The following RASGEF1C variants were observed in gnomAD, a reference collection of about 807,000 sequenced individuals.
The protein encoded by RASGEF1C is ras-GEF domain-containing family member 1C.
Under a neutral mutation model 58.1 loss-of-function variants are expected in RASGEF1C, and 27 were observed. The observed-to-expected ratio is 0.46, with a 90% CI of 0.34 to 0.64. The LOEUF (loss-of-function observed/expected upper bound fraction) is 0.64, where lower values mean the gene tolerates loss of function less well. Among genes scored for constraint, RASGEF1C ranks in the 30% least tolerant of loss-of-function variants. The pLI is 0.01. For missense variants in RASGEF1C, 502 were observed against 605.1 expected, an observed-to-expected ratio of 0.83 and a Z score of 1.79; for synonymous variants, 243 against 246.3, an observed-to-expected ratio of 0.99 and a Z score of 0.13.
At chr5:180,166,618 C>T (rs571444595) in intron 1 of RASGEF1C, among the ~76,000 whole-genome samples, 3 of 151,654 alleles carry the variant, frequency 2.0e-5, no homozygotes, top group African/African-American at 7.3e-5. Context: ...TGGATTAAGG[C>T]GATTCTCCTG....
intron 1 of RASGEF1C, among the ~76,000 whole-genome samples, chr5:180,176,614 T>G (rs1292946881): frequency 4.4e-4 from 67 of 150,592 alleles, no homozygotes; most frequent in Admixed American, 4.1e-3. Context: ...TGGAGTGCAG[T>G]GGCGCAATCT....
At chr5:180,199,760 C>T (rs2127564055) in intron 1 of RASGEF1C, among the ~76,000 whole-genome samples, 1 of 148,398 alleles carries the variant, frequency 6.7e-6, no homozygotes, top group African/African-American at 2.5e-5. Flanking sequence ...GAACCCCTGA[C>T]CTCAAGCGAT....
intron 1 of RASGEF1C, among the ~76,000 whole-genome samples, chr5:180,157,407 A>G (rs1421404611): frequency 1.3e-5 from 2 of 152,052 alleles, no homozygotes; most frequent in South Asian, 2.1e-4. Context: ...GGATCACCTG[A>G]GGTCGGGAGT....
chr5:180,165,457 G>A (rs1375595257), intron 1 of RASGEF1C, among the ~76,000 whole-genome samples: 1 of 151,924 alleles, frequency 6.6e-6, no homozygotes, highest in Non-Finnish European at 1.5e-5. Flanking sequence ...ATCACCTGAG[G>A]TCAGGAGTTT....
intron 1 of RASGEF1C, among the ~76,000 whole-genome samples, chr5:180,185,553 C>G (rs543915506): frequency 2.0e-5 from 3 of 151,426 alleles, no homozygotes; most frequent in Non-Finnish European, 4.4e-5. Context: ...CCATTGCACT[C>G]CAGCATGGGT....
intron 12 of RASGEF1C, among the ~76,000 whole-genome samples, chr5:180,105,695 C>G (rs1765864550): frequency 6.6e-6 from 1 of 151,952 alleles, no homozygotes. Flanking sequence ...TGGTGAAACC[C>G]CGTCTCTACT....
intron 1 of RASGEF1C, among the ~76,000 whole-genome samples, chr5:180,145,811 A>T (rs1766654064): frequency 6.6e-6 from 1 of 152,196 alleles, no homozygotes; most frequent in Non-Finnish European, 1.5e-5. Flanking sequence ...CGCTTCGAGC[A>T]TGGCTGCTGC....
Position 180,209,116 on chromosome 5 carries a change from G to GCCGCCGCCGCCGC in RASGEF1C, c.-108_-96dup, listed in dbSNP as rs1756554291. On this transcript the variant is annotated 5_prime_UTR_variant, in exon 1 of 14. Transcript: ENST00000361132. ...GCCGCGGACCGGGGCGCCGCCCGCCGCCGCCGCCGCCGCCGCCGCCGCCGC... is the reference window on the plus strand; with the variant it reads ...GCCGCGGACCGGGGCGCCGCCCGCCGCCGCCGCCGCCGCCCGCCGCCGCCGCCGCCGCCGCCGC... 1 of 1,272 alleles carries GCCGCCGCCGCCGC rather than the reference G, an allele frequency of 7.9e-4. No homozygotes were observed. The highest frequency in any genetic ancestry group is 4.5e-3 in the Non-Finnish European group (1 of 222). The allele number at this position is 1,272 out of a possible 1,614,324, so 0.1% of individuals were successfully genotyped here.
intron 3 of RASGEF1C, chr5:180,136,854 G>T: frequency 3.2e-6 from 1 of 316,244 alleles, no homozygotes; most frequent in Non-Finnish European, 5.9e-6. Flanking sequence ...AATCAGAGCA[G>T]GCATACGCCA....
intron 12 of RASGEF1C, among the ~76,000 whole-genome samples, chr5:180,107,548 CT>C (rs1302572763): frequency 1.3e-5 from 2 of 152,072 alleles, no homozygotes; most frequent in Non-Finnish European, 2.9e-5. Flanking sequence ...TGTTTTCCCC[CT>C]ATGGGTAAAG....
chr5:180,137,198 G>A lies in RASGEF1C; in HGVS notation c.300+392C>T, dbSNP rs954334836. ...TTGAAGTTGGGTCTCTCCCACTAGC[G>A]GTAGAGCCCTACCGACGCGTGTGCA... On this transcript the variant is annotated intron_variant, in intron 3 of 13. Transcript: ENST00000361132. This position sits in a 1 kb window ranked among gnomAD's most constrained non-coding sequence, Gnocchi z 4.1. Among the ~76,000 whole-genome samples, 1 of 152,158 alleles carries A rather than the reference G, an allele frequency of 6.6e-6. No homozygotes were observed. Among genetic ancestry groups the A allele is most frequent in the Admixed American group, 6.5e-5 (1 of 15,284 alleles).
intron 1 of RASGEF1C, among the ~76,000 whole-genome samples, chr5:180,189,691 GCAGGTGGATCACCTGAGGT>G (rs1756109219): frequency 6.6e-6 from 1 of 152,134 alleles, no homozygotes; most frequent in South Asian, 2.1e-4. Flanking sequence ...GGAGGCCAAG[GCAGGTGGATCACCTGAGGT>G]CAAAAGTTTG....
At chr5:180,109,736 A>G (rs952949303) in intron 12 of RASGEF1C, among the ~76,000 whole-genome samples, 2 of 152,188 alleles carry the variant, frequency 1.3e-5, no homozygotes, top group Non-Finnish European at 2.9e-5. Flanking sequence ...TGCACTTGGA[A>G]GATGAAGGAA....
At chr5:180,176,318 G>A (rs144782984) in intron 1 of RASGEF1C, among the ~76,000 whole-genome samples, 4 of 152,340 alleles carry the variant, frequency 2.6e-5, no homozygotes, top group Non-Finnish European at 5.9e-5. Flanking sequence ...ACCCAGCCAC[G>A]CTGAGTGCCT....
intron 1 of RASGEF1C, among the ~76,000 whole-genome samples, chr5:180,173,108 G>A (rs1169467815): frequency 2.6e-5 from 4 of 152,234 alleles, no homozygotes; most frequent in African/African-American, 7.2e-5. Flanking sequence ...AGCCGCCTGG[G>A]TGTCCTGCAT....
rs894604156 is a variant in RASGEF1C at position 180,108,482 on chromosome 5, C to T, written c.1303+2975G>A. 3.3e-5 allele frequency among the ~76,000 whole-genome samples: 5 copies of T among 152,036 alleles called. 1 individual carries two copies. The highest frequency in any genetic ancestry group is 2.0e-4 in the Admixed American group (3 of 15,244). ...TCCCAAAGTGCTGGGATTACAAGCA[C>T]GAGCCACCGCGCCCAGCCGTTTCAG... is the stretch of plus-strand genomic sequence containing the variant. On this transcript the variant is annotated intron_variant, in intron 12 of 13. Coordinates refer to ENST00000361132, the MANE Select transcript of RASGEF1C (RefSeq NM_175062.4).
At chr5:180,103,154 T>C (rs1276690847) in intron 12 of RASGEF1C, among the ~76,000 whole-genome samples, 9 of 152,222 alleles carry the variant, frequency 5.9e-5, no homozygotes, top group Non-Finnish European at 1.0e-4. Flanking sequence ...CTCGGCTCAC[T>C]GCAAGCTCTG....
chr5:180,139,240 C>T (rs944281812), intron 1 of RASGEF1C, among the ~76,000 whole-genome samples: 3 of 152,314 alleles, frequency 2.0e-5, no homozygotes, highest in South Asian at 2.1e-4. Context: ...CTCACAGTGA[C>T]GCATCCTGGC....
At chr5:180,109,276 G>A (rs1472840157) in intron 12 of RASGEF1C, among the ~76,000 whole-genome samples, 1 of 152,054 alleles carries the variant, frequency 6.6e-6, no homozygotes, top group East Asian at 1.9e-4. Context: ...CTAACATGGT[G>A]AAACCCCGTC....
Sources: gnomAD v4.1 joint callset for allele counts (sites outside exome capture counted in the v4.1 genomes callset) on GRCh38, gnomAD v4.1.1 for gene constraint, Gnocchi (gnomAD v3.1) non-coding constraint, MANE v1.5 for transcripts, NCBI Gene and HGNC (gene_info 2026-07-23, HGNC 2026-07-21) for gene names.